Variants in NKAIN3 observed in about 807,000 individuals in gnomAD.
The protein encoded by NKAIN3 is sodium/potassium transporting ATPase interacting 3.
NKAIN3 carries 25 observed loss-of-function variants against 30.2 expected under a neutral mutation model. The ratio of observed to expected loss-of-function variants is 0.83; its 90% CI spans 0.60 to 1.16. The LOEUF is 1.16. Among genes scored for constraint, NKAIN3 ranks in the 50% most tolerant of loss-of-function variants. The probability of loss-of-function intolerance (pLI) is 0.00; values close to 1 mark genes in which losing one functional copy is unlikely to be tolerated. For missense variants in NKAIN3, 225 were observed against 254.1 expected, an observed-to-expected ratio of 0.89 and a Z score of 0.78; for synonymous variants, 91 against 89.6, an observed-to-expected ratio of 1.02 and a Z score of -0.09.
intron 4 of NKAIN3, among the ~76,000 whole-genome samples, chr8:62,837,246 T>C (rs1442578550): frequency 1.3e-5 from 2 of 152,192 alleles, no homozygotes; most frequent in Non-Finnish European, 2.9e-5. Context: ...TGTATCTTCA[T>C]AGATAGGGAA....
At chr8:62,548,677 T>G (rs1247496100) in intron 1 of NKAIN3, among the ~76,000 whole-genome samples, 1 of 126,404 alleles carries the variant, frequency 7.9e-6, no homozygotes, top group East Asian at 1.9e-4. Flanking sequence ...CATGGAAATT[T>G]TATATTTTGT....
intron 4 of NKAIN3, among the ~76,000 whole-genome samples, chr8:62,913,056 C>T (rs1431596515): frequency 6.6e-6 from 1 of 152,138 alleles, no homozygotes; most frequent in Non-Finnish European, 1.5e-5. Flanking sequence ...GGGGCAATAA[C>T]AGGCATGGAG....
chr8:62,797,279 T>C (rs1044075335), intron 4 of NKAIN3, among the ~76,000 whole-genome samples: 3 of 152,168 alleles, frequency 2.0e-5, no homozygotes, highest in Non-Finnish European at 2.9e-5. Flanking sequence ...GTCAGGAAAA[T>C]GCAGTCTGCA....
intron 1 of NKAIN3, among the ~76,000 whole-genome samples, chr8:62,376,837 T>C (rs1817099264): frequency 6.6e-6 from 1 of 152,154 alleles, no homozygotes; most frequent in South Asian, 2.1e-4. Flanking sequence ...TCTCTAGATA[T>C]TGGTAAATTT....
intron 1 of NKAIN3, among the ~76,000 whole-genome samples, chr8:62,443,869 T>C (rs564276017): frequency 6.6e-6 from 1 of 152,346 alleles, no homozygotes; most frequent in Non-Finnish European, 1.5e-5. Context: ...AATAATTTTT[T>C]GTTGTAAACT....
chr8:62,528,057 T>C (rs907289659), intron 1 of NKAIN3, among the ~76,000 whole-genome samples: 2 of 151,288 alleles, frequency 1.3e-5, no homozygotes, highest in Non-Finnish European at 2.9e-5. Flanking sequence ...AGTTGAAGAA[T>C]GCTAAAGAGA....
At chr8:62,333,190 C>T (rs1208212243) in intron 1 of NKAIN3, among the ~76,000 whole-genome samples, 1 of 152,038 alleles carries the variant, frequency 6.6e-6, no homozygotes, top group Non-Finnish European at 1.5e-5. Flanking sequence ...GATAGAGTTA[C>T]CTGTCTCTAA....
rs115463925 is a variant in NKAIN3, at chr8:62,663,975, G to T, written c.273+74181G>T. On this transcript the variant is annotated intron_variant, in intron 3 of 6. Coordinates refer to ENST00000623646, the MANE Select transcript of NKAIN3 (RefSeq NM_001304533.3). ...ATGAAAAAAAATTGATCTTGTTGGA[G>T]ATATATTTTCCTTACTTACATTTTC... Among the ~76,000 whole-genome samples the T allele has an allele frequency of 3.1e-3, 476 of 152,206 alleles. 3 individuals carry two copies. The highest frequency in any genetic ancestry group is 0.011 in the African/African-American group (449 of 41,538).
At chr8:62,252,027 A>T (rs2129386256) in intron 1 of NKAIN3, among the ~76,000 whole-genome samples, 1 of 152,348 alleles carries the variant, frequency 6.6e-6, no homozygotes, top group Non-Finnish European at 1.5e-5. Context: ...AATTCCTAAA[A>T]ATCTAACAAA....
intron 5 of NKAIN3, among the ~76,000 whole-genome samples, chr8:62,937,058 A>G (rs1187707955): frequency 6.6e-6 from 1 of 152,078 alleles, no homozygotes; most frequent in East Asian, 1.9e-4. Context: ...TTTACATATC[A>G]TGTGAGGTAG....
At chr8:62,928,032 T>C (rs1364170658) in intron 5 of NKAIN3, among the ~76,000 whole-genome samples, 3 of 152,156 alleles carry the variant, frequency 2.0e-5, no homozygotes, top group Non-Finnish European at 4.4e-5. Flanking sequence ...GGAACACTCA[T>C]CTTCATGTTC....
At chr8:62,384,648 T>A (rs1401769098) in intron 1 of NKAIN3, among the ~76,000 whole-genome samples, 1 of 152,180 alleles carries the variant, frequency 6.6e-6, no homozygotes, top group East Asian at 1.9e-4. Flanking sequence ...AAGAATCAAT[T>A]GTATTTTGAG....
rs1270381724 is a variant in NKAIN3, at chr8:62,670,019, AAT to A, written c.274-76908_274-76907del. Among the ~76,000 whole-genome samples the A allele has an allele frequency of 2.6e-5, 4 of 152,320 alleles. No homozygotes were observed. The East Asian group carries it at 5.8e-4, about 22-fold the overall frequency. ...CACAAAAGTTTTAGTCTAAGGATGA[AAT>A]ATATGTTTTTCAGCTAGTCTTGGAT... On this transcript the variant is annotated intron_variant, in intron 3 of 6. Transcript: ENST00000623646.
At chr8:62,592,158 A>C (rs1306339799) in intron 3 of NKAIN3, among the ~76,000 whole-genome samples, 1 of 152,014 alleles carries the variant, frequency 6.6e-6, no homozygotes, top group Non-Finnish European at 1.5e-5. Context: ...AATGACAGAC[A>C]TGGCCTATGA....
At position 62,967,882 on chromosome 8, in the gene NKAIN3, ATAGTTC is replaced by A. The variant is rs540720738; in HGVS notation, c.*2480_*2485del. On this transcript the variant is annotated 3_prime_UTR_variant, in exon 7 of 7. Transcript: ENST00000623646. ...ATTTTATCTTCACGTGAATTTGTAC[ATAGTTC>A]TAGTAGGCACTGCAGAGTCTGAACT... 1.8e-3 allele frequency among the ~76,000 whole-genome samples: 276 copies of A among 152,340 alleles called. No individual in the cohort carries two copies. Among genetic ancestry groups the A allele is most frequent in the Admixed American group, 3.5e-3 (53 of 15,300 alleles).
intron 4 of NKAIN3, among the ~76,000 whole-genome samples, chr8:62,891,453 C>T (rs1487075175): frequency 6.6e-6 from 1 of 152,202 alleles, no homozygotes; most frequent in African/African-American, 2.4e-5. Flanking sequence ...GGCTTCCTTG[C>T]TCCTCAGCTT....
At chr8:62,844,939 C>G (rs1393440928) in intron 4 of NKAIN3, among the ~76,000 whole-genome samples, 3 of 151,928 alleles carry the variant, frequency 2.0e-5, no homozygotes, top group African/African-American at 7.2e-5. Flanking sequence ...CGAAGGGGCC[C>G]CTAGTGCTCT....
chr8:62,884,261 AT>A (rs11321774), intron 4 of NKAIN3, among the ~76,000 whole-genome samples: 48,076 of 146,362 alleles, frequency 0.33, 7,989 homozygotes, highest in East Asian at 0.64. Flanking sequence ...ATTTTAGAGA[AT>A]TTTTTTTTTT....
At chr8:62,707,097 A>G (rs1308341034) in intron 3 of NKAIN3, among the ~76,000 whole-genome samples, 2 of 150,948 alleles carry the variant, frequency 1.3e-5, no homozygotes, top group African/African-American at 4.9e-5. Flanking sequence ...GCACATATAT[A>G]TAAAACACAG....
Sources: allele counts gnomAD v4.1 joint callset (sites outside exome capture counted in the v4.1 genomes callset), GRCh38; gene constraint gnomAD v4.1.1; transcripts MANE v1.5; gene names NCBI Gene and HGNC (gene_info 2026-07-23, HGNC 2026-07-21).